KCNIP1: variants seen among roughly 807,000 people sequenced by gnomAD.
KCNIP1 encodes the protein potassium voltage-gated channel interacting protein 1.
KCNIP1 carries 18 observed loss-of-function variants against 33.0 expected under a neutral mutation model. The observed-to-expected ratio is 0.55, with a 90% CI of 0.38 to 0.81. KCNIP1 has a LOEUF of 0.81. Ranked by LOEUF, KCNIP1 falls within the 30% of genes least tolerant of loss-of-function variation. The probability of loss-of-function intolerance (pLI) is 0.00; values close to 1 mark genes in which losing one functional copy is unlikely to be tolerated. For missense variants in KCNIP1, 238 were observed against 271.6 expected, an observed-to-expected ratio of 0.88 and a Z score of 0.87; for synonymous variants, 93 against 98.3, an observed-to-expected ratio of 0.95 and a Z score of 0.32.
chr5:170,456,084 AC>A (rs553310177), intron 1 of KCNIP1, among the ~76,000 whole-genome samples: 73 of 152,364 alleles, frequency 4.8e-4, no homozygotes, highest in Middle Eastern at 3.4e-3. Flanking sequence ...GATAGACTGG[AC>A]AAAGAAAATG....
At chr5:170,358,641 G>A (rs1282904706) in intron 1 of KCNIP1, among the ~76,000 whole-genome samples, 1 of 152,240 alleles carries the variant, frequency 6.6e-6, no homozygotes, top group Admixed American at 6.5e-5. Flanking sequence ...GATGATATGA[G>A]TAAGAGATAT....
intron 5 of KCNIP1, among the ~76,000 whole-genome samples, chr5:170,724,180 A>G (rs1763930445): frequency 6.6e-6 from 1 of 152,240 alleles, no homozygotes; most frequent in Non-Finnish European, 1.5e-5. Flanking sequence ...AAATAAAATT[A>G]TAGGCCCAGA....
intron 1 of KCNIP1, among the ~76,000 whole-genome samples, chr5:170,590,780 A>G (rs28734027): frequency 0.11 from 16,960 of 152,266 alleles, 1,080 homozygotes; most frequent in African/African-American, 0.18. Flanking sequence ...ATGACAGTTT[A>G]CTTCTCGTTG....
intron 1 of KCNIP1, among the ~76,000 whole-genome samples, chr5:170,686,117 G>C (rs1271275210): frequency 6.6e-6 from 1 of 152,152 alleles, no homozygotes; most frequent in Non-Finnish European, 1.5e-5. Flanking sequence ...AGAGTGAGCA[G>C]ATTCCTAGTA....
intron 1 of KCNIP1, among the ~76,000 whole-genome samples, chr5:170,640,540 G>GA (rs898571353): frequency 7.9e-5 from 12 of 152,022 alleles, no homozygotes; most frequent in Non-Finnish European, 1.3e-4. Flanking sequence ...GCATTTCGAG[G>GA]AAAAAAATGC....
At chr5:170,707,158 C>CAAAAAAAAAAAAAA (rs34331045) in intron 1 of KCNIP1, among the ~76,000 whole-genome samples, 1 of 125,552 alleles carries the variant, frequency 8.0e-6, no homozygotes, top group Non-Finnish European at 1.8e-5. Context: ...AGTAAATCAT[C>CAAAAAAAAAAAAAA]AAAAAAAAAA....
Position 170,592,656 on chromosome 5 carries a change from TG to T in KCNIP1, c.61+88025del, listed in dbSNP as rs567585843. Among the ~76,000 whole-genome samples the T allele has an allele frequency of 9.4e-3, 1,433 of 152,334 alleles. 14 individuals carry two copies. Among genetic ancestry groups the T allele is most frequent in the Non-Finnish European group, 0.013 (907 of 68,024 alleles). On this transcript the variant is annotated intron_variant, in intron 1 of 7. Coordinates refer to ENST00000328939, the MANE Select transcript of KCNIP1 (RefSeq NM_014592.4). The stretch of plus-strand genomic sequence containing the variant: ...CAGAATCTCTTACATGCTGGATAAG[TG>T]GATGCAAGCTCAAGGCCACACCTAA...
chr5:170,734,966 A>T (rs1022475472), intron 7 of KCNIP1, among the ~76,000 whole-genome samples: 9 of 152,178 alleles, frequency 5.9e-5, no homozygotes, highest in Non-Finnish European at 1.3e-4. Flanking sequence ...GGATCTCTGC[A>T]CACCCAGCTT....
At chr5:170,653,357 A>G (rs1410021566) in intron 1 of KCNIP1, among the ~76,000 whole-genome samples, 1 of 152,180 alleles carries the variant, frequency 6.6e-6, no homozygotes, top group African/African-American at 2.4e-5. Context: ...AAGTGGTATC[A>G]CGAACATATC....
rs115114619 is a variant in KCNIP1 at position 170,676,427 on chromosome 5, G to A, written c.62-42331G>A. On this transcript the variant is annotated intron_variant, in intron 1 of 7. Transcript: ENST00000328939. ...TTTCTCTCTGAACCATAACCATCTT[G>A]CAGTTAAATAATTGCTTTCTGATAG... 4.6e-3 allele frequency among the ~76,000 whole-genome samples: 697 copies of A among 152,270 alleles called. 5 individuals carry two copies. The highest frequency in any genetic ancestry group is 0.016 in the African/African-American group (653 of 41,554).
intron 1 of KCNIP1, among the ~76,000 whole-genome samples, chr5:170,366,323 G>A (rs566852692): frequency 1.3e-5 from 2 of 152,330 alleles, no homozygotes; most frequent in Admixed American, 6.5e-5. Flanking sequence ...GGTGGAGGAG[G>A]CCTCAGACCT....
At chr5:170,694,100 A>G (rs962980325) in intron 1 of KCNIP1, among the ~76,000 whole-genome samples, 4 of 152,218 alleles carry the variant, frequency 2.6e-5, no homozygotes, top group Admixed American at 6.5e-5. Context: ...ACCCCAATTT[A>G]TCTTCAGGAC....
At chr5:170,621,895 C>T (rs575152894) in intron 1 of KCNIP1, among the ~76,000 whole-genome samples, 5 of 152,246 alleles carry the variant, frequency 3.3e-5, no homozygotes, top group Admixed American at 1.3e-4. Flanking sequence ...GATGGAACGA[C>T]GAAGACCAAA....
intron 1 of KCNIP1, among the ~76,000 whole-genome samples, chr5:170,445,355 A>T (rs1673659236): frequency 6.6e-6 from 1 of 152,218 alleles, no homozygotes; most frequent in Non-Finnish European, 1.5e-5. Flanking sequence ...CAATGACTGT[A>T]TCAGGCCAAC....
intron 1 of KCNIP1, among the ~76,000 whole-genome samples, chr5:170,419,955 A>G (rs773942737): frequency 6.6e-5 from 10 of 152,200 alleles, no homozygotes; most frequent in Non-Finnish European, 8.8e-5. Flanking sequence ...TTCACTTTGC[A>G]TGGGACTGTG....
chr5:170,719,532 C>T (rs538950504), intron 2 of KCNIP1, among the ~76,000 whole-genome samples: 1 of 152,304 alleles, frequency 6.6e-6, no homozygotes, highest in African/African-American at 2.4e-5. Flanking sequence ...AGAGTGCAAT[C>T]TTATTCCCAA....
At chr5:170,607,785 G>A (rs1347656815) in intron 1 of KCNIP1, among the ~76,000 whole-genome samples, 1 of 152,170 alleles carries the variant, frequency 6.6e-6, no homozygotes, top group Admixed American at 6.5e-5. Flanking sequence ...TGAGATGAGG[G>A]TCTCAGCCGG....
intron 1 of KCNIP1, among the ~76,000 whole-genome samples, chr5:170,417,428 C>T (rs945046226): frequency 6.2e-4 from 95 of 152,318 alleles, no homozygotes; most frequent in African/African-American, 2.2e-3. Flanking sequence ...TGAGCCTCTT[C>T]CTCCCTGAGA....
At chr5:170,500,341 G>T (rs558700461), upstream of KCNIP1, among the ~76,000 whole-genome samples, 2 of 152,288 alleles carry the variant, frequency 1.3e-5, no homozygotes, top group African/African-American at 2.4e-5. Flanking sequence ...CCACACCGGG[G>T]TGCATGAGGG....
Sources: gnomAD v4.1 joint callset for allele counts (sites outside exome capture counted in the v4.1 genomes callset) on GRCh38, gnomAD v4.1.1 for gene constraint, MANE v1.5 for transcripts, NCBI Gene and HGNC (gene_info 2026-07-23, HGNC 2026-07-21) for gene names.